The following PIM3 variants were observed in gnomAD, a reference collection of about 807,000 sequenced individuals.
The protein encoded by PIM3 is Pim-3 proto-oncogene, serine/threonine kinase.
A neutral mutation model predicts 27.5 loss-of-function variants in PIM3; 13 were observed. The observed-to-expected ratio is 0.47, with a 90% confidence interval of 0.31 to 0.75. PIM3 has a LOEUF of 0.75. Ranked by LOEUF, PIM3 falls within the 30% of genes least tolerant of loss-of-function variation. PIM3 has a pLI of 0.05. For missense variants in PIM3, 482 were observed against 476.9 expected, an observed-to-expected ratio of 1.01 and a Z score of -0.10; for synonymous variants, 341 against 221.1, an observed-to-expected ratio of 1.54 and a Z score of -4.81.
In PIM3 at chr22:49,960,774, G is replaced by T. The variant is rs927994219; in HGVS notation, c.-174G>T. ...CCCCCGGGCGAGGCGGCCGGGGCGG[G>T]TGAGGCGCTCCGCCTGCTGCGCGTC... On this transcript the variant is annotated 5_prime_UTR_variant, in exon 1 of 6. Transcript: ENST00000360612. 8 of 226,408 alleles carry T rather than the reference G, an allele frequency of 3.5e-5. No individual in the cohort carries two copies. Among genetic ancestry groups the T allele is most frequent in the African/African-American group, 1.9e-4 (8 of 42,416 alleles). The allele number at this position is 226,408 out of a possible 1,614,324, so 14.0% of individuals were successfully genotyped here. A position where few individuals can be genotyped will look rare whatever the true frequency, so the allele number is the denominator to read the frequency against.
intron 4 of PIM3, among the ~76,000 whole-genome samples, 195 bp downstream of exon 4, chr22:49,962,006 G>T (rs1027403036): frequency 6.6e-6 from 1 of 152,128 alleles, no homozygotes; most frequent in Non-Finnish European, 1.5e-5. Flanking sequence ...GTGCTGGGTG[G>T]GGGCTAGGGG....
chr22:49,961,907 C>T, intron 4 of PIM3, 96 bp downstream of exon 4: 1 of 1,520,326 alleles, frequency 6.6e-7, no homozygotes, highest in South Asian at 1.2e-5. Flanking sequence ...GACTGTTGGG[C>T]GGCCGCGCGC....
In PIM3 at chr22:49,963,445, C is replaced by A. The variant is rs1046309162; in HGVS notation, c.*318C>A. 1.4e-5 allele frequency: 4 copies of A among 282,052 alleles called. No individual in the cohort carries two copies. In the Admixed American group the frequency reaches 2.0e-4, roughly 14 times the overall value. The allele number at this position is 282,052 out of a possible 1,614,324, so 17.5% of individuals were successfully genotyped here. ...CCTGCCCACCCGGAGCTCTTTCCGC[C>A]GGCGCAGGGTCCCAAGCCCACCTCC... On this transcript the variant is annotated 3_prime_UTR_variant, in exon 6 of 6. Transcript: ENST00000360612.
In PIM3 at chr22:49,963,043, C is replaced by T. The variant is rs1002411572; in HGVS notation, c.897C>T (p.Gly299=). 8.1e-6 allele frequency: 13 copies of T among 1,611,938 alleles called. No homozygotes were observed. Among genetic ancestry groups the T allele is most frequent in the African/African-American group, 1.3e-5 (1 of 74,904 alleles). ...AHPWMLGADG[G]VPESCDLRLC... ...CCTGGATGCTGGGGGCTGACGGGGGCGTCCCGGAGAGCTGTGACCTGCGGC... is the reference window on the plus strand; with the variant it reads ...CCTGGATGCTGGGGGCTGACGGGGGTGTCCCGGAGAGCTGTGACCTGCGGC... The change falls in exon 6 of 6, where the codon GGC becomes GGT. Residue 299 remains glycine (G), a synonymous_variant. Coordinates refer to ENST00000360612, the MANE Select transcript of PIM3 (RefSeq NM_001001852.4).
Position 49,962,982 on chromosome 22 carries a change from C to T in PIM3, c.836C>T (p.Ser279Leu). The T allele has an allele frequency of 6.2e-7, 1 of 1,610,446 alleles. No individual in the cohort carries two copies. The highest frequency in any genetic ancestry group is 8.5e-7 in the Non-Finnish European group (1 of 1,179,716). The stretch of plus-strand genomic sequence containing the variant: ...CGGTGGTGCCTGTCCCTGCGGCCCT[C>T]AGAGCGGCCGTCGCTGGATCAGATT... ...LIRWCLSLRP[S>L]ERPSLDQIAA... The change falls in exon 6 of 6, where the codon TCA (serine) becomes TTA (leucine). Residue 279 changes from serine to leucine, a missense_variant. Transcript: ENST00000360612.
rs778580867 is a variant in PIM3 at position 49,962,789 on chromosome 22, G to T, written c.717G>T (p.Val239=). 3 of 1,612,622 alleles carry T rather than the reference G, an allele frequency of 1.9e-6. No homozygotes were observed. Among genetic ancestry groups the T allele is most frequent in the Non-Finnish European group, 2.5e-6 (3 of 1,179,994 alleles). The change falls in exon 5 of 6, where the codon GTG becomes GTT. Residue 239 remains valine, a synonymous_variant. Transcript: ENST00000360612. ...WSLGVLLYDM[V]CGDIPFEQDE... ...TGGGCGTGCTTCTCTACGATATGGT[G>T]TGTGGGGACATCCCCTTCGAGCAGG...
chr22:49,962,127 A>AGCGGAGGAGTCTCCGTGCGTG (rs1242469142), intron 4 of PIM3, among the ~76,000 whole-genome samples: 2 of 151,840 alleles, frequency 1.3e-5, no homozygotes, highest in African/African-American at 4.8e-5. Context: ...TGGGGGCGGT[A>AGCGGAGGAGTCTCCGTGCGTG]GCGGAGGAGT....
At chr22:49,961,080 G>A (rs1189434676) in intron 1 of PIM3, 45 bp from the exon 2 acceptor site, 6 of 1,372,018 alleles carry the variant, frequency 4.4e-6, no homozygotes, top group South Asian at 1.6e-5. Flanking sequence ...GGCGGGGACC[G>A]GGGGCGCCCC....
Position 49,961,337 on chromosome 22 carries a change from T to C in PIM3, c.215T>C (p.Val72Ala). 6.5e-7 allele frequency: 1 copy of C among 1,541,040 alleles called. No homozygotes were observed. Reference protein sequence around the residue: ...DGLPVAVKHVVKERVTEWGSL... With the variant: ...DGLPVAVKHVAKERVTEWGSL... ...CCGCAGGTGGCTGTGAAGCACGTGG[T>C]GAAGGAGCGGGTGACCGAGTGGGGC... The change falls in exon 3 of 6, where the codon GTG becomes GCG. Residue 72 changes from valine to alanine, a missense_variant. Val to Ala is a moderately conservative substitution (Grantham distance 64). Coordinates refer to ENST00000360612, the MANE Select transcript of PIM3 (RefSeq NM_001001852.4).
chr22:49,961,398 C>T, intron 3 of PIM3, 30 bp downstream of exon 3: 6 of 1,414,064 alleles, frequency 4.2e-6, no homozygotes, highest in Non-Finnish European at 4.6e-6. Flanking sequence ...GCGGCGGCGG[C>T]GGGGGGCGGG....
rs2060919491 is a variant in PIM3, at chr22:49,963,345, C to T, written c.*218C>T. The stretch of plus-strand genomic sequence containing the variant: ...TCCAAAGACGCTCCGGTCGAGGTCC[C>T]GCCTGCCCTGGGTGGATACTTGAAC... On this transcript the variant is annotated 3_prime_UTR_variant, in exon 6 of 6. Coordinates refer to ENST00000360612, the MANE Select transcript of PIM3 (RefSeq NM_001001852.4). 4 of 546,334 alleles carry T rather than the reference C, an allele frequency of 7.3e-6. No individual in the cohort carries two copies. Among genetic ancestry groups the T allele is most frequent in the South Asian group, 2.5e-5 (1 of 40,310 alleles). 33.8% of individuals were successfully genotyped at this position (546,334 alleles called of 1,614,324 possible).
chr22:49,962,738 C>G lies in PIM3; in HGVS notation c.666C>G (p.His222Gln). ...AGTGGATCCGCTACCACCGCTACCACGGGCGCTCGGCCACCGTGTGGTCGC... is the reference window on the plus strand; with the variant it reads ...AGTGGATCCGCTACCACCGCTACCAGGGGCGCTCGGCCACCGTGTGGTCGC... ...PPEWIRYHRY[H>Q]GRSATVWSLG... The change falls in exon 5 of 6, where the codon CAC (histidine) becomes CAG (glutamine). Residue 222 changes from histidine (H) to glutamine (Q), a missense_variant. His to Gln is a conservative substitution (Grantham distance 24). Coordinates refer to ENST00000360612, the MANE Select transcript of PIM3 (RefSeq NM_001001852.4). 3.1e-6 allele frequency: 5 copies of G among 1,612,786 alleles called. No individual in the cohort carries two copies. Among genetic ancestry groups the G allele is most frequent in the Non-Finnish European group, 4.2e-6 (5 of 1,179,940 alleles).
chr22:49,961,125 C>T lies in PIM3; in HGVS notation c.86C>T (p.Ala29Val), dbSNP rs1457786920. ...DHLPVKILQP[A>V]KADKESFEKA... Reference sequence around the variant, plus strand: ...CAACCCCGCCCGCGCCTCCCTGCAGCCAAGGCGGACAAGGAGAGCTTCGAG... The same window carrying T: ...CAACCCCGCCCGCGCCTCCCTGCAGTCAAGGCGGACAAGGAGAGCTTCGAG... The change falls in exon 2 of 6, where the codon GCC (alanine) becomes GTC (valine). Residue 29 changes from alanine (A) to valine (V), a missense_variant and splice_region_variant. Transcript: ENST00000360612. 4.7e-6 allele frequency: 7 copies of T among 1,492,482 alleles called. No homozygotes were observed. The highest frequency in any genetic ancestry group is 6.2e-6 in the Non-Finnish European group (7 of 1,121,978). The allele number at this position is 1,492,482 out of a possible 1,614,324, so 92.5% of individuals were successfully genotyped here.
At chr22:49,962,041 C>T (rs926023502) in intron 4 of PIM3, among the ~76,000 whole-genome samples, 11 of 152,068 alleles carry the variant, frequency 7.2e-5, no homozygotes, top group Non-Finnish European at 1.5e-4. Flanking sequence ...CTTCCTCCAT[C>T]GCGTTGGGGG....
chr22:49,962,698 TGTA>T lies in PIM3; in HGVS notation c.627_629del (p.Tyr210del). On this transcript the variant is annotated inframe_deletion, in exon 5 of 6. Coordinates refer to ENST00000360612, the MANE Select transcript of PIM3 (RefSeq NM_001001852.4). ...CCCTGTGTCCCCTTAGGCACCCGAG[TGTA>T]CAGCCCCCCGGAGTGGATCCGCTAC... The T allele has an allele frequency of 6.2e-7, 1 of 1,610,356 alleles. No individual in the cohort carries two copies.
chr22:49,961,663 C>T lies in PIM3; in HGVS notation c.468C>T (p.Ala156=), dbSNP rs779340376. 5 of 1,583,434 alleles carry T rather than the reference C, an allele frequency of 3.2e-6. No individual in the cohort carries two copies. Among genetic ancestry groups the T allele is most frequent in the African/African-American group, 1.3e-5 (1 of 74,344 alleles). ...GCCGCTTCTTCGCGCAGGTGCTGGC[C>T]GCCGTGCGCCACTGCCACAGCTGCG... The part of the protein sequence containing the change: ...LARRFFAQVL[A]AVRHCHSCGV... The change falls in exon 4 of 6, where the codon GCC becomes GCT. Residue 156 remains alanine, a synonymous_variant. Transcript: ENST00000360612.
rs769993297 is a variant in PIM3, at chr22:49,962,328, C to T, written c.617-361C>T. Among the ~76,000 whole-genome samples, 813 of 149,018 alleles carry T rather than the reference C, an allele frequency of 5.5e-3. 2 individuals carry two copies. Among genetic ancestry groups the T allele is most frequent in the Non-Finnish European group, 8.2e-3 (547 of 66,630 alleles). ...GGAAGCCGGGGCTCCCCGCCCGCCC[C>T]TCCCTCCTCCCTCCCTCTCTCCCCT... On this transcript the variant is annotated intron_variant, in intron 4 of 5. Coordinates refer to ENST00000360612, the MANE Select transcript of PIM3 (RefSeq NM_001001852.4).
Position 49,961,148 on chromosome 22 carries a change from G to A in PIM3, c.109G>A (p.Glu37Lys). ...QPAKADKESF[E>K]KAYQVGAVLG... ...AGCCAAGGCGGACAAGGAGAGCTTC[G>A]AGAAGGCGTACCAGGTGGGCGCCGT... Residue 37 changes from glutamate (E) to lysine (K), a missense_variant, in exon 2 of 6, where the codon GAG becomes AAG. By Grantham distance (56) the Glu-to-Lys change is moderately conservative. Transcript: ENST00000360612. The A allele has an allele frequency of 1.3e-6, 2 of 1,521,486 alleles. No individual in the cohort carries two copies. Among genetic ancestry groups the A allele is most frequent in the Non-Finnish European group, 8.8e-7 (1 of 1,137,636 alleles). The allele number at this position is 1,521,486 out of a possible 1,614,324, so 94.2% of individuals were successfully genotyped here. A position where few individuals can be genotyped will look rare whatever the true frequency, so the allele number is the denominator to read the frequency against.
In PIM3 at chr22:49,963,061, C is replaced by T. The variant is rs745415747; in HGVS notation, c.915C>T (p.Asp305=). The T allele has an allele frequency of 1.2e-5, 19 of 1,611,916 alleles. No homozygotes were observed. Among genetic ancestry groups the T allele is most frequent in the Non-Finnish European group, 1.6e-5 (19 of 1,179,696 alleles). The change falls in exon 6 of 6, where the codon GAC becomes GAT. Residue 305 remains aspartate (D), a synonymous_variant. Transcript: ENST00000360612. ...ACGGGGGCGTCCCGGAGAGCTGTGA[C>T]CTGCGGCTGTGCACCCTCGACCCTG... is the stretch of plus-strand genomic sequence containing the variant. ...GADGGVPESC[D]LRLCTLDPDD...
Sources: allele counts gnomAD v4.1 joint callset (sites outside exome capture counted in the v4.1 genomes callset), GRCh38; gene constraint gnomAD v4.1.1; transcripts MANE v1.5; gene names NCBI Gene and HGNC (gene_info 2026-07-23, HGNC 2026-07-21).